Variants in ZFPM2 observed in about 807,000 individuals in gnomAD.
ZFPM2 encodes zinc finger protein, FOG family member 2.
Under a neutral mutation model 98.6 loss-of-function variants are expected in ZFPM2, and 20 were observed. The ratio of observed to expected loss-of-function variants is 0.20; its 90% CI spans 0.14 to 0.29. ZFPM2 has a LOEUF of 0.29. Ranked by LOEUF, ZFPM2 falls within the 10% of genes least tolerant of loss-of-function variation. The probability of loss-of-function intolerance (pLI) is 1.00; values close to 1 mark genes in which losing one functional copy is unlikely to be tolerated. For synonymous variants in ZFPM2, 518 were observed against 502.7 expected (o/e 1.03, Z -0.41); for missense variants, 1,310 against 1,388.6 (o/e 0.94, Z 0.90).
At chr8:105,778,319 C>T (rs1313364968) in intron 5 of ZFPM2, among the ~76,000 whole-genome samples, 1 of 152,054 alleles carries the variant, frequency 6.6e-6, no homozygotes, top group Non-Finnish European at 1.5e-5. Flanking sequence ...CCAATCACTT[C>T]TCAGTTATGA....
intron 4 of ZFPM2, among the ~76,000 whole-genome samples, chr8:105,618,057 C>T (rs2130810879): frequency 6.6e-6 from 1 of 152,168 alleles, no homozygotes; most frequent in East Asian, 1.9e-4. Flanking sequence ...ATAAATTTCA[C>T]AGCTCGAAAA....
At chr8:105,634,827 A>G (rs1816817277) in intron 5 of ZFPM2, among the ~76,000 whole-genome samples, 1 of 152,212 alleles carries the variant, frequency 6.6e-6, no homozygotes, top group Non-Finnish European at 1.5e-5. Flanking sequence ...ACCTTTGCAA[A>G]GACAGAATTC....
At chr8:105,401,071 A>G (rs1203443931) in intron 1 of ZFPM2, among the ~76,000 whole-genome samples, 1 of 151,960 alleles carries the variant, frequency 6.6e-6, no homozygotes, top group Non-Finnish European at 1.5e-5. Flanking sequence ...ACTTCTAGGA[A>G]TGTATTATGT....
chr8:105,613,275 G>A (rs1816343252), intron 4 of ZFPM2, among the ~76,000 whole-genome samples: 1 of 152,076 alleles, frequency 6.6e-6, no homozygotes, highest in Admixed American at 6.6e-5. Context: ...GGGGAGGTGG[G>A]TGGTTGAGAA....
chr8:105,802,205 A>G lies in ZFPM2; in HGVS notation c.2123A>G (p.Tyr708Cys). Residue 708 changes from tyrosine (Y) to cysteine (C), a missense_variant, in exon 8 of 8, where the codon TAT (tyrosine) becomes TGT (cysteine). By Grantham distance (194) the Tyr-to-Cys change is radical (BLOSUM62 -2). Coordinates refer to ENST00000407775, the MANE Select transcript of ZFPM2 (RefSeq NM_012082.4). ...GAAACATACATGGTCCACAAACAGT[A>G]TTACTGTGCTACACGCCACGACCCT... The part of the protein sequence containing the change: ...RHETYMVHKQ[Y>C]YCATRHDPPL... The G allele has an allele frequency of 6.2e-7, 1 of 1,613,908 alleles. No homozygotes were observed. The highest frequency in any genetic ancestry group is 8.5e-7 in the Non-Finnish European group (1 of 1,179,870).
At chr8:105,794,278 G>A (rs1409973668) in intron 6 of ZFPM2, among the ~76,000 whole-genome samples, 1 of 152,136 alleles carries the variant, frequency 6.6e-6, no homozygotes, top group Non-Finnish European at 1.5e-5. Context: ...CTGTTTGTTA[G>A]TTTTCCTTCT....
intron 1 of ZFPM2, among the ~76,000 whole-genome samples, chr8:105,381,083 C>G (rs746518129): frequency 6.8e-5 from 10 of 146,334 alleles, no homozygotes; most frequent in Non-Finnish European, 1.3e-4. Context: ...CCTTGCCCCC[C>G]ACCCCTCAAC....
At chr8:105,535,205 A>G (rs561342958) in intron 3 of ZFPM2, among the ~76,000 whole-genome samples, 1 of 152,180 alleles carries the variant, frequency 6.6e-6, no homozygotes. Context: ...TTCATAATTC[A>G]TAAAGGAAAG....
intron 1 of ZFPM2, among the ~76,000 whole-genome samples, chr8:105,405,355 G>A (rs1811425589): frequency 6.6e-6 from 1 of 151,746 alleles, no homozygotes; most frequent in Non-Finnish European, 1.5e-5. Context: ...ATGTATACAT[G>A]TGCCATGTTG....
intron 1 of ZFPM2, among the ~76,000 whole-genome samples, chr8:105,336,028 C>T (rs1213845732): frequency 6.6e-6 from 1 of 151,664 alleles, no homozygotes; most frequent in East Asian, 1.9e-4. Flanking sequence ...GCTGCCTATC[C>T]GATGGCATTT....
At chr8:105,337,188 C>T (rs1013972422) in intron 1 of ZFPM2, among the ~76,000 whole-genome samples, 1 of 151,768 alleles carries the variant, frequency 6.6e-6, no homozygotes, top group African/African-American at 2.4e-5. Context: ...CCTCTTCCCC[C>T]TCACTTCCAA....
chr8:105,796,385 T>C (rs1813815890), intron 6 of ZFPM2, among the ~76,000 whole-genome samples: 1 of 150,462 alleles, frequency 6.6e-6, no homozygotes. Flanking sequence ...GCTTTCATTC[T>C]GAAATTAGTG....
chr8:105,771,449 G>A (rs1314388417), intron 5 of ZFPM2, among the ~76,000 whole-genome samples: 1 of 152,140 alleles, frequency 6.6e-6, no homozygotes, highest in African/African-American at 2.4e-5. Context: ...TCAGGATGAA[G>A]ACAATATATC....
chr8:105,524,109 T>C (rs1814120004), intron 3 of ZFPM2, among the ~76,000 whole-genome samples: 1 of 152,292 alleles, frequency 6.6e-6, no homozygotes, highest in South Asian at 2.1e-4. Flanking sequence ...TATTAATATA[T>C]ATATTTATAG....
rs535965475 is a variant in ZFPM2 at position 105,516,804 on chromosome 8, G to A, written c.302-44559G>A. On this transcript the variant is annotated intron_variant, in intron 3 of 7. Coordinates refer to ENST00000407775, the MANE Select transcript of ZFPM2 (RefSeq NM_012082.4). ...AAAAGCAGACTGTGTGTCCAGCACC[G>A]TTCCAGAGTATTGTCTATAATTTCT... Among the ~76,000 whole-genome samples the A allele has an allele frequency of 8.5e-5, 13 of 152,234 alleles. No homozygotes were observed. The East Asian group carries it at 2.3e-3, about 27-fold the overall frequency.
chr8:105,404,586 A>G (rs1811404442), intron 1 of ZFPM2, among the ~76,000 whole-genome samples: 1 of 152,056 alleles, frequency 6.6e-6, no homozygotes. Flanking sequence ...GCTCACTTCG[A>G]GTCATGTTAA....
rs778335939 is a variant in ZFPM2 at position 105,802,177 on chromosome 8, C to T, written c.2095C>T (p.His699Tyr). The change falls in exon 8 of 8, where the codon CAC becomes TAC. Residue 699 changes from histidine to tyrosine, a missense_variant. Transcript: ENST00000407775. ...CEACNITFSR[H>Y]ETYMVHKQYY... ...AGCTTGCAACATTACCTTCAGCCGG[C>T]ACGAAACATACATGGTCCACAAACA... 3 of 1,613,924 alleles carry T rather than the reference C, an allele frequency of 1.9e-6. No individual in the cohort carries two copies. Among genetic ancestry groups the T allele is most frequent in the East Asian group, 4.5e-5 (2 of 44,840 alleles).
rs111702818 is a variant in ZFPM2, at chr8:105,652,653, G to A, written c.532+18296G>A. Among the ~76,000 whole-genome samples, 721 of 152,184 alleles carry A rather than the reference G, an allele frequency of 4.7e-3. 6 individuals carry two copies. Among genetic ancestry groups the A allele is most frequent in the African/African-American group, 0.017 (692 of 41,512 alleles). On this transcript the variant is annotated intron_variant, in intron 5 of 7. Transcript: ENST00000407775. ...TCAAGAATGATTATTCTTTAGGTCA[G>A]CTACGTTTAGCTTGTGCAGTCTTTC...
intron 5 of ZFPM2, among the ~76,000 whole-genome samples, chr8:105,681,086 T>A (rs1810589499): frequency 6.6e-6 from 1 of 152,170 alleles, no homozygotes. Context: ...ATAATTCAAA[T>A]CATTAAATAG....
Sources: gnomAD v4.1 joint callset for allele counts (sites outside exome capture counted in the v4.1 genomes callset) on GRCh38, gnomAD v4.1.1 for gene constraint, MANE v1.5 for transcripts, NCBI Gene and HGNC (gene_info 2026-07-23, HGNC 2026-07-21) for gene names.